The following TNS3 variants were observed in gnomAD, a reference collection of about 807,000 sequenced individuals.
TNS3 encodes tensin-3.
TNS3 carries 45 observed loss-of-function variants against 140.9 expected under a neutral mutation model. That is an observed-to-expected ratio of 0.32 (90% confidence interval 0.25 to 0.41). The LOEUF (loss-of-function observed/expected upper bound fraction) is 0.41, where lower values mean the gene tolerates loss of function less well. TNS3 is among the 10% of genes least tolerant of loss of function. The pLI is 1.00. For synonymous variants in TNS3, 815 were observed against 788.4 expected, an observed-to-expected ratio of 1.03 and a Z score of -0.56; for missense variants, 1,716 against 1,906.7, an observed-to-expected ratio of 0.90 and a Z score of 1.86.
chr7:47,551,914 G>A (rs1410026365), intron 1 of TNS3, among the ~76,000 whole-genome samples: 3 of 152,086 alleles, frequency 2.0e-5, no homozygotes, highest in African/African-American at 7.2e-5. Flanking sequence ...GGGTGGAGAG[G>A]GAGGCTACAA....
chr7:47,306,578 A>T (rs1786766823), intron 20 of TNS3, among the ~76,000 whole-genome samples: 1 of 147,928 alleles, frequency 6.8e-6, no homozygotes, highest in Admixed American at 6.8e-5. Flanking sequence ...ACCTTAGAGA[A>T]TTTTTTTTTT....
intron 1 of TNS3, among the ~76,000 whole-genome samples, chr7:47,555,929 A>G (rs189155629): frequency 2.6e-5 from 4 of 152,230 alleles, no homozygotes; most frequent in Admixed American, 1.3e-4. Flanking sequence ...GTATCTCCAA[A>G]GTAAGCCTGC....
intron 10 of TNS3, among the ~76,000 whole-genome samples, chr7:47,417,018 G>C (rs1037954958): frequency 6.6e-6 from 1 of 152,168 alleles, no homozygotes; most frequent in Non-Finnish European, 1.5e-5. Context: ...GTGACCACGC[G>C]GCTAAGACGG....
chr7:47,569,498 G>A (rs1299662204), intron 1 of TNS3, among the ~76,000 whole-genome samples: 1 of 151,636 alleles, frequency 6.6e-6, no homozygotes, highest in Non-Finnish European at 1.5e-5. Context: ...GAGCCAAGAT[G>A]GCGCCACTGC....
intron 1 of TNS3, among the ~76,000 whole-genome samples, chr7:47,580,949 G>A (rs1464649198): frequency 6.6e-6 from 1 of 152,136 alleles, no homozygotes; most frequent in African/African-American, 2.4e-5. Flanking sequence ...AGCCAACCCG[G>A]AAGATCAAAG....
intron 20 of TNS3, among the ~76,000 whole-genome samples, chr7:47,340,548 T>C (rs1480028199): frequency 1.3e-5 from 2 of 151,800 alleles, no homozygotes; most frequent in African/African-American, 4.8e-5. Context: ...TCACTTTTTG[T>C]TGTTGTTTTG....
At chr7:47,570,899 C>T (rs754611771) in intron 1 of TNS3, among the ~76,000 whole-genome samples, 8 of 151,894 alleles carry the variant, frequency 5.3e-5, no homozygotes, top group Non-Finnish European at 1.0e-4. Flanking sequence ...AGAGATACAA[C>T]GAAAATTACA....
intron 2 of TNS3, among the ~76,000 whole-genome samples, chr7:47,526,091 C>T (rs1280319389): frequency 1.3e-5 from 2 of 152,260 alleles, no homozygotes; most frequent in African/African-American, 4.8e-5. Context: ...GCCGTGCTTT[C>T]TCCAAGCTCT....
intron 15 of TNS3, among the ~76,000 whole-genome samples, chr7:47,397,390 A>T (rs1289278248): frequency 1.3e-5 from 2 of 152,206 alleles, no homozygotes; most frequent in East Asian, 1.9e-4. Context: ...AAAAAGCATG[A>T]TTATTTCCAC....
chr7:47,281,389 G>A (rs1785137607), intron 28 of TNS3, among the ~76,000 whole-genome samples: 1 of 152,184 alleles, frequency 6.6e-6, no homozygotes, highest in South Asian at 2.1e-4. Context: ...GTCCAGGCTG[G>A]GCCAGTCTAG....
chr7:47,305,093 C>T, intron 20 of TNS3, 90 bp from the exon 21 acceptor site: 2 of 1,081,716 alleles, frequency 1.8e-6, no homozygotes, highest in Non-Finnish European at 1.2e-6. Context: ...CCACAAGAAA[C>T]AGTGCTGACT....
intron 20 of TNS3, among the ~76,000 whole-genome samples, chr7:47,327,648 G>A (rs1788097164): frequency 6.6e-6 from 1 of 152,218 alleles, no homozygotes; most frequent in Non-Finnish European, 1.5e-5. Context: ...TCTCAGCAAA[G>A]ACAAAGCATG....
chr7:47,544,980 T>C (rs1584841519), intron 1 of TNS3, among the ~76,000 whole-genome samples: 1 of 152,006 alleles, frequency 6.6e-6, no homozygotes, highest in Middle Eastern at 3.4e-3. Flanking sequence ...AGATCCACGA[T>C]GTTAGGACTT....
Position 47,368,513 on chromosome 7 carries a change from G to A in TNS3, c.2133C>T (p.Pro711=), listed in dbSNP as rs983685898. 2 of 1,592,408 alleles carry A rather than the reference G, an allele frequency of 1.3e-6. No homozygotes were observed. Among genetic ancestry groups the A allele is most frequent in the Non-Finnish European group, 1.7e-6 (2 of 1,164,148 alleles). The stretch of plus-strand genomic sequence containing the variant: ...TGTGGGTAGGGATGGGCTCGAAGGT[G>A]GGATCCAGCTCCAGGATCAGCCTGT... The part of the protein sequence containing the change: ...QLNRLILELD[P]TFEPIPTHMN... Residue 711 remains proline (P), a synonymous_variant, in exon 17 of 31, where the codon CCC becomes CCT. Transcript: ENST00000311160.
chr7:47,303,928 C>T (rs538596092), intron 21 of TNS3, among the ~76,000 whole-genome samples: 8 of 152,328 alleles, frequency 5.3e-5, no homozygotes, highest in South Asian at 2.1e-4. Context: ...TCCTTTAAGA[C>T]GCAGCTCAGC....
At chr7:47,325,111 T>G (rs978500665) in intron 20 of TNS3, among the ~76,000 whole-genome samples, 5 of 152,108 alleles carry the variant, frequency 3.3e-5, no homozygotes, top group Non-Finnish European at 5.9e-5. Context: ...CATCAACAGA[T>G]GCACAAAGAG....
intron 1 of TNS3, among the ~76,000 whole-genome samples, chr7:47,536,610 A>G (rs1363927402): frequency 1.3e-5 from 2 of 152,194 alleles, no homozygotes; most frequent in Non-Finnish European, 2.9e-5. Flanking sequence ...TGAACCCAAG[A>G]AGCCTTTTCA....
chr7:47,553,315 G>A (rs147056406), intron 1 of TNS3, among the ~76,000 whole-genome samples: 2 of 152,340 alleles, frequency 1.3e-5, no homozygotes, highest in African/African-American at 2.4e-5. Flanking sequence ...TCTATTAGAA[G>A]ATGCCACCTA....
chr7:47,574,984 G>A (rs1046001292), intron 1 of TNS3, among the ~76,000 whole-genome samples: 2 of 152,172 alleles, frequency 1.3e-5, no homozygotes, highest in East Asian at 1.9e-4. Flanking sequence ...CCTAACTGCC[G>A]CAGTTAAACA....
Sources: allele counts gnomAD v4.1 joint callset (sites outside exome capture counted in the v4.1 genomes callset), GRCh38; gene constraint gnomAD v4.1.1; transcripts MANE v1.5; gene names NCBI Gene and HGNC (gene_info 2026-07-23, HGNC 2026-07-21).